SPOCK1: variants seen among roughly 807,000 people sequenced by gnomAD.
SPOCK1 encodes SPARC (osteonectin), cwcv and kazal like domains proteoglycan 1.
SPOCK1 carries 23 observed loss-of-function variants against 55.3 expected under a neutral mutation model. The observed-to-expected ratio is 0.42, with a 90% CI of 0.30 to 0.59. SPOCK1 has a LOEUF of 0.59. Among genes scored for constraint, SPOCK1 ranks in the 20% least tolerant of loss-of-function variants. The probability of loss-of-function intolerance (pLI) is 0.22; values close to 1 mark genes in which losing one functional copy is unlikely to be tolerated. For missense variants in SPOCK1, 499 were observed against 552.5 expected (o/e 0.90, Z 0.97); for synonymous variants, 226 against 221.0 (o/e 1.02, Z -0.20).
At chr5:137,073,698 C>T (rs1752665632) in intron 5 of SPOCK1, among the ~76,000 whole-genome samples, 1 of 151,676 alleles carries the variant, frequency 6.6e-6, no homozygotes, top group African/African-American at 2.4e-5. Flanking sequence ...AAGAGAATAG[C>T]AGCTACAAAA....
intron 5 of SPOCK1, among the ~76,000 whole-genome samples, chr5:137,110,066 A>G (rs1302771317): frequency 6.6e-6 from 1 of 152,212 alleles, no homozygotes; most frequent in Non-Finnish European, 1.5e-5. Context: ...CAAATGAATG[A>G]AAGATTCTTT....
At chr5:137,039,577 A>G (rs144303168) in intron 6 of SPOCK1, among the ~76,000 whole-genome samples, 277 of 152,282 alleles carry the variant, frequency 1.8e-3, no homozygotes, top group African/African-American at 6.3e-3. Flanking sequence ...TGGCTCTCCT[A>G]CAAACCAGAT....
rs779709056 is a variant in SPOCK1, at chr5:137,266,997, T to C, written c.232+13A>G. On this transcript the variant is annotated intron_variant, in intron 3 of 10. Transcript: ENST00000394945. ...ACCACAGACTATACAGCAAGAAATA[T>C]TGCATCCATTACCTTGGTCAAAGGG... 1.7e-5 allele frequency: 27 copies of C among 1,609,384 alleles called. No homozygotes were observed. Among genetic ancestry groups the C allele is most frequent in the Non-Finnish European group, 2.2e-5 (26 of 1,176,048 alleles).
rs1440755825 is a variant in SPOCK1 at position 137,178,685 on chromosome 5, C to G, written c.233-37991G>C. Among the ~76,000 whole-genome samples, 4 of 152,204 alleles carry G rather than the reference C, an allele frequency of 2.6e-5. No homozygotes were observed. In the East Asian group the frequency reaches 5.8e-4, roughly 22 times the overall value. On this transcript the variant is annotated intron_variant, in intron 3 of 10. Transcript: ENST00000394945. ...CCCTTCCTCTGGGGCCACCCTCACA[C>G]CAGTCCTGCACCCTCAAGTGAGAAG...
chr5:137,245,107 C>A (rs1693128132), intron 3 of SPOCK1, among the ~76,000 whole-genome samples: 1 of 152,158 alleles, frequency 6.6e-6, no homozygotes, highest in Non-Finnish European at 1.5e-5. Flanking sequence ...CCCCTATCCT[C>A]CGCAAAATTA....
At chr5:137,360,916 T>C (rs1333897963) in intron 2 of SPOCK1, among the ~76,000 whole-genome samples, 1 of 152,210 alleles carries the variant, frequency 6.6e-6, no homozygotes, top group Non-Finnish European at 1.5e-5. Flanking sequence ...CATTATCATA[T>C]GATGTCTGTT....
intron 2 of SPOCK1, among the ~76,000 whole-genome samples, chr5:137,374,990 C>G (rs1243358731): frequency 6.6e-6 from 1 of 152,064 alleles, no homozygotes; most frequent in Non-Finnish European, 1.5e-5. Context: ...AGCCACTCTC[C>G]CCCATCTCAG....
At chr5:137,129,453 T>G (rs980433455) in intron 4 of SPOCK1, among the ~76,000 whole-genome samples, 3 of 152,210 alleles carry the variant, frequency 2.0e-5, no homozygotes, top group African/African-American at 7.2e-5. Flanking sequence ...AGGAGTTTTC[T>G]TGCTCAAATC....
At chr5:137,062,166 C>T (rs1335116439) in intron 6 of SPOCK1, among the ~76,000 whole-genome samples, 2 of 152,156 alleles carry the variant, frequency 1.3e-5, no homozygotes, top group African/African-American at 4.8e-5. Flanking sequence ...AGGCCCCACC[C>T]ATTTGGCCTT....
At chr5:137,343,663 G>C (rs927490587) in intron 2 of SPOCK1, among the ~76,000 whole-genome samples, 2 of 152,194 alleles carry the variant, frequency 1.3e-5, no homozygotes, top group Non-Finnish European at 2.9e-5. Context: ...TTCCTCCTTA[G>C]GGTCAATCCC....
intron 2 of SPOCK1, among the ~76,000 whole-genome samples, chr5:137,286,506 TCTGCACTCA>T (rs1757268978): frequency 1.3e-5 from 2 of 152,118 alleles, no homozygotes; most frequent in Admixed American, 6.5e-5. Flanking sequence ...CTGGAGCAGG[TCTGCACTCA>T]CCCAGAAGGG....
intron 2 of SPOCK1, chr5:137,313,470 C>T (rs769786906): frequency 1.7e-5 from 17 of 985,410 alleles, no homozygotes; most frequent in African/African-American, 5.2e-5. Flanking sequence ...GGGCACAGGC[C>T]GGGCACCTGT....
intron 3 of SPOCK1, among the ~76,000 whole-genome samples, chr5:137,210,411 T>C (rs2127081281): frequency 6.6e-6 from 1 of 152,316 alleles, no homozygotes; most frequent in Non-Finnish European, 1.5e-5. Context: ...ATCTTAGTCT[T>C]TGGAGAACTA....
chr5:137,208,878 T>A (rs945338761), intron 3 of SPOCK1, among the ~76,000 whole-genome samples: 10 of 152,154 alleles, frequency 6.6e-5, no homozygotes, highest in African/African-American at 2.2e-4. Context: ...GAAATTATTT[T>A]AAAAAAATAA....
chr5:137,377,591 T>C (rs927795276), intron 2 of SPOCK1, among the ~76,000 whole-genome samples: 6 of 152,222 alleles, frequency 3.9e-5, no homozygotes, highest in African/African-American at 1.4e-4. Context: ...TTTTTTTTAA[T>C]CTACAAGGAA....
rs548116116 is a variant in SPOCK1, at chr5:137,173,295, A to G, written c.233-32601T>C. 2.0e-5 allele frequency among the ~76,000 whole-genome samples: 3 copies of G among 152,200 alleles called. No homozygotes were observed. In the South Asian group the frequency reaches 6.2e-4, roughly 32 times the overall value. On this transcript the variant is annotated intron_variant, in intron 3 of 10. Coordinates refer to ENST00000394945, the MANE Select transcript of SPOCK1 (RefSeq NM_004598.4). Reference sequence around the variant, plus strand: ...TAGCCCTTAGAGTTGACCTTTTCCAATGTATGGCCTTCAGCAGGGCCCTCA... The same window carrying G: ...TAGCCCTTAGAGTTGACCTTTTCCAGTGTATGGCCTTCAGCAGGGCCCTCA...
intron 2 of SPOCK1, among the ~76,000 whole-genome samples, chr5:137,471,038 C>T (rs760524857): frequency 3.9e-5 from 6 of 152,156 alleles, no homozygotes; most frequent in East Asian, 3.9e-4. Flanking sequence ...TATGAGTTAA[C>T]GGTGCAAAGT....
intron 6 of SPOCK1, among the ~76,000 whole-genome samples, chr5:137,051,472 A>T (rs1752207331): frequency 6.6e-6 from 1 of 152,240 alleles, no homozygotes; most frequent in South Asian, 2.1e-4. Flanking sequence ...AACAAAATAG[A>T]AACATAGGTG....
At chr5:137,230,083 T>A (rs1388828685) in intron 3 of SPOCK1, among the ~76,000 whole-genome samples, 1 of 152,208 alleles carries the variant, frequency 6.6e-6, no homozygotes, top group Non-Finnish European at 1.5e-5. Flanking sequence ...CAAGATTGGA[T>A]ACTCTGGAAA....
Sources: gnomAD v4.1 joint callset for allele counts (sites outside exome capture counted in the v4.1 genomes callset) on GRCh38, gnomAD v4.1.1 for gene constraint, MANE v1.5 for transcripts, NCBI Gene and HGNC (gene_info 2026-07-23, HGNC 2026-07-21) for gene names.